AGAP1: variants seen among roughly 807,000 people sequenced by gnomAD.
AGAP1 encodes the protein ArfGAP with GTPase domain, ankyrin repeat and PH domain 1.
In AGAP1, 29 loss-of-function variants were observed where a neutral mutation model predicts 105.3. That is an observed-to-expected ratio of 0.28 (90% CI 0.21 to 0.38). AGAP1 has a LOEUF of 0.38. Ranked by LOEUF, AGAP1 falls within the 10% of genes least tolerant of loss-of-function variation. The pLI, the probability that AGAP1 is intolerant of heterozygous loss-of-function variation, is 1.00. For missense variants in AGAP1, 998 were observed against 1,165.1 expected, an observed-to-expected ratio of 0.86 and a Z score of 2.09; for synonymous variants, 509 against 485.9, an observed-to-expected ratio of 1.05 and a Z score of -0.63.
chr2:235,782,573 C>G (rs533115085), intron 6 of AGAP1, among the ~76,000 whole-genome samples: 3 of 148,080 alleles, frequency 2.0e-5, no homozygotes, highest in Non-Finnish European at 4.5e-5. Flanking sequence ...TTCTTTTTGT[C>G]TATGCTTGTT....
chr2:235,832,224 G>A (rs1959503760), intron 9 of AGAP1, among the ~76,000 whole-genome samples: 1 of 152,026 alleles, frequency 6.6e-6, no homozygotes, highest in Non-Finnish European at 1.5e-5. Context: ...TTTCAGATGT[G>A]TTTTTTATAG....
intron 1 of AGAP1, among the ~76,000 whole-genome samples, chr2:235,694,704 C>T (rs183372730): frequency 6.6e-6 from 1 of 152,270 alleles, no homozygotes; most frequent in Non-Finnish European, 1.5e-5. Context: ...GACACTTGCT[C>T]CTCCTCGTCT....
At chr2:235,640,570 C>T (rs371382423) in intron 1 of AGAP1, among the ~76,000 whole-genome samples, 24 of 152,320 alleles carry the variant, frequency 1.6e-4, no homozygotes, top group African/African-American at 5.8e-4. Context: ...CTGTTCTCTT[C>T]GGTAAACAGC....
intron 1 of AGAP1, among the ~76,000 whole-genome samples, chr2:235,543,954 C>T (rs1943539591): frequency 1.3e-5 from 2 of 152,166 alleles, no homozygotes; most frequent in Non-Finnish European, 2.9e-5. Context: ...AGAGTTCTCT[C>T]TCTGCCGCCT....
chr2:235,920,914 A>G (rs1028587765), intron 11 of AGAP1, among the ~76,000 whole-genome samples: 1 of 152,236 alleles, frequency 6.6e-6, no homozygotes, highest in Non-Finnish European at 1.5e-5. Context: ...TATTAACCAC[A>G]TGGGGCATAC....
chr2:235,821,995 G>A (rs756297115), intron 9 of AGAP1, among the ~76,000 whole-genome samples: 29 of 152,304 alleles, frequency 1.9e-4, no homozygotes, highest in Non-Finnish European at 3.8e-4. Flanking sequence ...ACCCTTCCTG[G>A]TGCTCTGTAC....
chr2:235,628,003 C>T (rs895964660), intron 1 of AGAP1, among the ~76,000 whole-genome samples: 12 of 152,046 alleles, frequency 7.9e-5, no homozygotes, highest in Non-Finnish European at 1.2e-4. Context: ...GGGACAGTGC[C>T]CTTGACTGAC....
chr2:236,039,448 G>GA (rs1383995726), intron 14 of AGAP1, among the ~76,000 whole-genome samples: 1 of 152,072 alleles, frequency 6.6e-6, no homozygotes, highest in Non-Finnish European at 1.5e-5. Flanking sequence ...TCTAGGTGGG[G>GA]AAAAAGGTAC....
chr2:235,681,363 A>G (rs531475005), intron 1 of AGAP1, among the ~76,000 whole-genome samples: 1 of 152,186 alleles, frequency 6.6e-6, no homozygotes, highest in Admixed American at 6.5e-5. Flanking sequence ...CCCGAGGAGG[A>G]AGCATGCACT....
chr2:235,881,766 A>G (rs893797554), intron 9 of AGAP1, among the ~76,000 whole-genome samples: 15 of 152,242 alleles, frequency 9.9e-5, no homozygotes, highest in Admixed American at 9.2e-4. Context: ...ACAAGAAGAA[A>G]TTCTCAACCA....
rs543567606 is a variant in AGAP1 at position 236,113,046 on chromosome 2, T to C, written c.2115-7146T>C. Among the ~76,000 whole-genome samples, 56 of 152,390 alleles carry C rather than the reference T, an allele frequency of 3.7e-4. No individual in the cohort carries two copies. Among genetic ancestry groups the C allele is most frequent in the Non-Finnish European group, 6.0e-4 (41 of 68,044 alleles). On this transcript the variant is annotated intron_variant, in intron 16 of 17. Coordinates refer to ENST00000304032, the MANE Select transcript of AGAP1 (RefSeq NM_001037131.3). The surrounding 1 kb of genome is among the most constrained non-coding windows in gnomAD (Gnocchi z 4.3). ...CTTGCAATAAAATCTACCTGTCTCTTCTTTCCTGCAGCCTTTCTTTTTTCC... is the reference window on the plus strand; with the variant it reads ...CTTGCAATAAAATCTACCTGTCTCTCCTTTCCTGCAGCCTTTCTTTTTTCC...
intron 1 of AGAP1, among the ~76,000 whole-genome samples, chr2:235,630,754 T>A (rs978122430): frequency 2.0e-5 from 3 of 152,188 alleles, no homozygotes; most frequent in Non-Finnish European, 2.9e-5. Context: ...TAGGTGCAGG[T>A]ACATTTGTCC....
intron 1 of AGAP1, among the ~76,000 whole-genome samples, chr2:235,522,486 A>G (rs1942660441): frequency 6.6e-6 from 1 of 152,094 alleles, no homozygotes; most frequent in Admixed American, 6.5e-5. Context: ...GAAGGAGAGG[A>G]CGCAAGAGAA....
intron 9 of AGAP1, among the ~76,000 whole-genome samples, chr2:235,847,584 C>A (rs1961653623): frequency 6.6e-6 from 1 of 152,212 alleles, no homozygotes; most frequent in African/African-American, 2.4e-5. Context: ...TAATCTGAGT[C>A]ATTTTATCAA....
intron 6 of AGAP1, among the ~76,000 whole-genome samples, chr2:235,768,787 T>A (rs1420441480): frequency 6.6e-6 from 1 of 152,194 alleles, no homozygotes; most frequent in Non-Finnish European, 1.5e-5. Flanking sequence ...CCCAGCACTG[T>A]TAGCGGTTGA....
intron 13 of AGAP1, among the ~76,000 whole-genome samples, chr2:235,986,852 T>A (rs1217548164): frequency 1.3e-5 from 2 of 152,224 alleles, no homozygotes; most frequent in Non-Finnish European, 2.9e-5. Context: ...AGTGTTTTGA[T>A]GTGCTGCTGG....
At position 235,734,524 on chromosome 2, in the gene AGAP1, A is replaced by G. The variant is rs1243233811; in HGVS notation, c.311-6439A>G. Among the ~76,000 whole-genome samples the G allele has an allele frequency of 1.3e-5, 2 of 150,068 alleles. No individual in the cohort carries two copies. Among genetic ancestry groups the G allele is most frequent in the Non-Finnish European group, 2.9e-5 (2 of 67,898 alleles). ...AGTCATTTTCATCCTTAGCTCAGGCATGAAAAAAAAAAAAAGAATAGTAAA... is the reference window on the plus strand; with the variant it reads ...AGTCATTTTCATCCTTAGCTCAGGCGTGAAAAAAAAAAAAAGAATAGTAAA... On this transcript the variant is annotated intron_variant, in intron 3 of 17. Transcript: ENST00000304032. The surrounding 1 kb of genome is among the most constrained non-coding windows in gnomAD (Gnocchi z 5.3).
In AGAP1 at chr2:236,126,918, G is replaced by C. The variant is rs984576688; in HGVS notation, c.*2796G>C. 1 of 152,282 alleles carries C rather than the reference G, an allele frequency of 6.6e-6. No individual in the cohort carries two copies. Among genetic ancestry groups the C allele is most frequent in the East Asian group, 1.9e-4 (1 of 5,200 alleles). 9.4% of individuals were successfully genotyped at this position (152,282 alleles called of 1,614,324 possible). A position where few individuals can be genotyped will look rare whatever the true frequency, so the allele number is the denominator to read the frequency against. On this transcript the variant is annotated 3_prime_UTR_variant, in exon 18 of 18. Transcript: ENST00000304032. ...AGGCTGGGAGAGGCAAGGACTGGGGGCGGAGCTAGGAATAACTCGTTTGAG... is the reference window on the plus strand; with the variant it reads ...AGGCTGGGAGAGGCAAGGACTGGGGCCGGAGCTAGGAATAACTCGTTTGAG...
At chr2:235,950,397 G>T (rs1433500066) in intron 12 of AGAP1, among the ~76,000 whole-genome samples, 1 of 151,888 alleles carries the variant, frequency 6.6e-6, no homozygotes, top group Non-Finnish European at 1.5e-5. Flanking sequence ...AGGAGCAAAT[G>T]CCGGGAGTAT....
Sources: allele counts gnomAD v4.1 joint callset (sites outside exome capture counted in the v4.1 genomes callset), GRCh38; gene constraint gnomAD v4.1.1; non-coding constraint Gnocchi (gnomAD v3.1); transcripts MANE v1.5; gene names NCBI Gene and HGNC (gene_info 2026-07-23, HGNC 2026-07-21).